ITPRID1: variants seen among roughly 807,000 people sequenced by gnomAD.
ITPRID1 encodes protein ITPRID1.
In ITPRID1, 96 loss-of-function variants were observed where a neutral mutation model predicts 95.4. The ratio of observed to expected loss-of-function variants is 1.01; its 90% CI spans 0.85 to 1.19. The LOEUF is 1.19. Among genes scored for constraint, ITPRID1 ranks in the 50% most tolerant of loss-of-function variants. ITPRID1 has a pLI of 0.00. For synonymous variants in ITPRID1, 510 were observed against 453.6 expected (o/e 1.12, Z -1.58); for missense variants, 1,339 against 1,252.9 (o/e 1.07, Z -1.04).
At chr7:31,516,219 T>A (rs1783035904) in intron 1 of ITPRID1, among the ~76,000 whole-genome samples, 1 of 152,194 alleles carries the variant, frequency 6.6e-6, no homozygotes, top group African/African-American at 2.4e-5. Context: ...ATGTGCATAA[T>A]CACCTGGATG....
Position 31,655,907 on chromosome 7 carries a change from G to A in ITPRID1, c.*3078G>A. On this transcript the variant is annotated 3_prime_UTR_variant, in exon 15 of 15. Transcript: ENST00000615280. ...CCTGGCTCTAGGATGTCCCTCACCTGGCAGCCATCTGCTTTACCAGTCTCA... is the reference window on the plus strand; with the variant it reads ...CCTGGCTCTAGGATGTCCCTCACCTAGCAGCCATCTGCTTTACCAGTCTCA... 1 of 985,398 alleles carries A rather than the reference G, an allele frequency of 1.0e-6. No individual in the cohort carries two copies. Among genetic ancestry groups the A allele is most frequent in the Non-Finnish European group, 1.2e-6 (1 of 829,972 alleles). The allele number at this position is 985,398 out of a possible 1,614,324, so 61.0% of individuals were successfully genotyped here.
chr7:31,578,156 GCAGCAA>G lies in ITPRID1; in HGVS notation c.894_899del (p.Ala299_Thr300del). ...ACCATGGGATTGTGGAGCAGAGCTA[GCAGCAA>G]CCTCAATCAACCACAAGCAAAATCA... On this transcript the variant is annotated inframe_deletion, in exon 9 of 15. Coordinates refer to ENST00000615280, the MANE Select transcript of ITPRID1 (RefSeq NM_001257967.3). 1 of 1,613,810 alleles carries G rather than the reference GCAGCAA, an allele frequency of 6.2e-7. No individual in the cohort carries two copies. The highest frequency in any genetic ancestry group is 1.1e-5 in the South Asian group (1 of 91,056).
In ITPRID1 at chr7:31,642,262, G is replaced by T. The variant is rs750952988; in HGVS notation, c.1311+4G>T. 27 of 1,545,996 alleles carry T rather than the reference G, an allele frequency of 1.7e-5. No homozygotes were observed. Among genetic ancestry groups the T allele is most frequent in the Non-Finnish European group, 2.2e-5 (25 of 1,143,272 alleles). ...GCTGGAACCGCTGCCCCTCCAGGTA[G>T]GAGGGTTTGGAACAGGGCCCTGTTG... On this transcript the variant is annotated splice_donor_region_variant and intron_variant, in intron 11 of 14. Transcript: ENST00000615280.
chr7:31,556,393 T>C (rs896915582), intron 5 of ITPRID1, among the ~76,000 whole-genome samples: 2 of 152,174 alleles, frequency 1.3e-5, no homozygotes, highest in African/African-American at 4.8e-5. Context: ...GCCTGTGTGG[T>C]AGCATGGTTT....
intron 1 of ITPRID1, among the ~76,000 whole-genome samples, chr7:31,526,634 G>C (rs1285543378): frequency 6.6e-6 from 1 of 152,108 alleles, no homozygotes; most frequent in East Asian, 1.9e-4. Context: ...TCCAATGCCT[G>C]CTCTATAGAT....
At chr7:31,516,690 T>C (rs1174718891) in intron 1 of ITPRID1, among the ~76,000 whole-genome samples, 2 of 152,208 alleles carry the variant, frequency 1.3e-5, no homozygotes, top group African/African-American at 2.4e-5. Context: ...TTAGAGCCTA[T>C]GTGTCCATTT....
At chr7:31,638,933 C>T (rs771173184) in intron 10 of ITPRID1, among the ~76,000 whole-genome samples, 15 of 152,200 alleles carry the variant, frequency 9.9e-5, no homozygotes, top group Middle Eastern at 6.8e-3. Flanking sequence ...CCTGCCACCA[C>T]ACCCGCTAAT....
At chr7:31,540,015 G>T (rs561899168) in intron 1 of ITPRID1, among the ~76,000 whole-genome samples, 1 of 152,308 alleles carries the variant, frequency 6.6e-6, no homozygotes, top group South Asian at 2.1e-4. Context: ...TTTTATCGAG[G>T]TGAACTTAAA....
intron 10 of ITPRID1, among the ~76,000 whole-genome samples, chr7:31,619,360 C>CCAAACTCTCAGTGTTGAA (rs1356085320): frequency 6.6e-6 from 1 of 152,146 alleles, no homozygotes; most frequent in Non-Finnish European, 1.5e-5. Context: ...AATCCAGACT[C>CCAAACTCTCAGTGTTGAA]CAAACTCTCA....
At chr7:31,605,374 G>A (rs17160300) in intron 10 of ITPRID1, among the ~76,000 whole-genome samples, 145 of 152,230 alleles carry the variant, frequency 9.5e-4, no homozygotes, top group Middle Eastern at 6.8e-3. Context: ...TACTGCCCAA[G>A]TGCTAGTATA....
intron 10 of ITPRID1, among the ~76,000 whole-genome samples, chr7:31,619,055 T>C (rs1460724460): frequency 1.3e-5 from 2 of 152,228 alleles, no homozygotes; most frequent in African/African-American, 4.8e-5. Flanking sequence ...GATTCCATAC[T>C]GACCTTTGTC....
At chr7:31,627,518 T>C in intron 10 of ITPRID1, among the ~76,000 whole-genome samples, 1 of 151,926 alleles carries the variant, frequency 6.6e-6, no homozygotes, top group East Asian at 1.9e-4. Context: ...ATTAGTCCAA[T>C]GGGATGGTGC....
At chr7:31,620,009 C>CACAGCAGTCTG in intron 10 of ITPRID1, among the ~76,000 whole-genome samples, 1 of 152,318 alleles carries the variant, frequency 6.6e-6, no homozygotes, top group Admixed American at 6.5e-5. Context: ...TGATTGCTAG[C>CACAGCAGTCTG]ACAGCAGTCT....
intron 1 of ITPRID1, among the ~76,000 whole-genome samples, chr7:31,519,610 C>CTATATA (rs1373387362): frequency 2.5e-4 from 13 of 51,342 alleles, no homozygotes; most frequent in Admixed American, 4.9e-4. Context: ...CTCTCTCTCT[C>CTATATA]TCTCTCTCTC....
chr7:31,538,755 T>C (rs1783839837), intron 1 of ITPRID1, among the ~76,000 whole-genome samples: 1 of 152,224 alleles, frequency 6.6e-6, no homozygotes, highest in Non-Finnish European at 1.5e-5. Flanking sequence ...TTATATCCCA[T>C]TACCTGAGAT....
intron 5 of ITPRID1, among the ~76,000 whole-genome samples, chr7:31,556,241 G>A (rs183640587): frequency 2.4e-4 from 37 of 152,192 alleles, no homozygotes; most frequent in Non-Finnish European, 7.4e-5. Context: ...ATATGGCTCC[G>A]AGATCAGAAA....
chr7:31,578,226 G>A lies in ITPRID1; in HGVS notation c.962G>A (p.Cys321Tyr), dbSNP rs1266186906. The A allele has an allele frequency of 2.5e-6, 4 of 1,613,700 alleles. No individual in the cohort carries two copies. The highest frequency in any genetic ancestry group is 2.2e-5 in the South Asian group (2 of 91,062). ...GTAGAACATCAGTCTCTCCAAGCCT[G>A]TGATGATTTGCTACCTTATCCTCCT... ...LSVEHQSLQA[C>Y]DDLLPYPPHG... The change falls in exon 9 of 15, where the codon TGT becomes TAT. Residue 321 changes from cysteine to tyrosine, a missense_variant. By Grantham distance (194) the Cys-to-Tyr change is radical. Coordinates refer to ENST00000615280, the MANE Select transcript of ITPRID1 (RefSeq NM_001257967.3).
chr7:31,599,585 TTTTC>T (rs527461356), intron 10 of ITPRID1, among the ~76,000 whole-genome samples: 17,942 of 112,284 alleles, frequency 0.16, 1,675 homozygotes, highest in Non-Finnish European at 0.17. Flanking sequence ...TGTTGTGTTA[TTTTC>T]TTTCTTTCTT....
At chr7:31,519,620 CTATATATATAT>C (rs1783171844) in intron 1 of ITPRID1, among the ~76,000 whole-genome samples, 25 of 25,268 alleles carry the variant, frequency 9.9e-4, no homozygotes, top group Non-Finnish European at 1.7e-3. Context: ...CTCTCTCTCT[CTATATATATAT>C]ATATATATAT....
Sources: allele counts gnomAD v4.1 joint callset (sites outside exome capture counted in the v4.1 genomes callset), GRCh38; gene constraint gnomAD v4.1.1; transcripts MANE v1.5; gene names NCBI Gene and HGNC (gene_info 2026-07-23, HGNC 2026-07-21).